TTC6: variants seen among roughly 807,000 people sequenced by gnomAD.
TTC6 encodes tetratricopeptide repeat protein 6.
Under a neutral mutation model 210.4 loss-of-function variants are expected in TTC6, and 172 were observed. That is an observed-to-expected ratio of 0.82 (90% CI 0.72 to 0.93). The LOEUF is 0.93. TTC6 is among the 40% of genes least tolerant of loss of function. TTC6 has a pLI of 0.00. For synonymous variants in TTC6, 804 were observed against 819.6 expected (o/e 0.98, Z 0.32); for missense variants, 2,414 against 2,318.1 (o/e 1.04, Z -0.85).
At chr14:37,655,127 C>T (rs1471481918) in intron 1 of TTC6, among the ~76,000 whole-genome samples, 2 of 152,168 alleles carry the variant, frequency 1.3e-5, no homozygotes, top group African/African-American at 4.8e-5. Context: ...ACTTGCTTGT[C>T]CAGTGTAGCA....
Position 37,769,819 on chromosome 14 carries a change from A to C in TTC6, c.3266+16584A>C, listed in dbSNP as rs376986016. Among the ~76,000 whole-genome samples the C allele has an allele frequency of 7.9e-5, 12 of 152,070 alleles. No individual in the cohort carries two copies. In the South Asian group the frequency reaches 1.0e-3, roughly 13 times the overall value. ...CTATTTCCTTCAGTTCTGCTCTGAT[A>C]TTAGTTATTTCTTGCCTTCTGCTAG... On this transcript the variant is annotated intron_variant, in intron 14 of 30. Transcript: ENST00000553443.
chr14:37,703,574 A>AT (rs1212921349), intron 5 of TTC6, among the ~76,000 whole-genome samples: 1 of 152,000 alleles, frequency 6.6e-6, no homozygotes, highest in Non-Finnish European at 1.5e-5. Context: ...GGCTTTTTGC[A>AT]TTTTTTTGTG....
At chr14:37,620,755 A>G (rs927666966), upstream of TTC6, among the ~76,000 whole-genome samples, 6 of 152,198 alleles carry the variant, frequency 3.9e-5, no homozygotes, top group African/African-American at 1.4e-4. Flanking sequence ...TATTATGACT[A>G]AGACTTCATT....
At chr14:37,798,325 T>C (rs1047096293) in intron 20 of TTC6, among the ~76,000 whole-genome samples, 1 of 152,060 alleles carries the variant, frequency 6.6e-6, no homozygotes, top group African/African-American at 2.4e-5. Context: ...ATTTTACATA[T>C]CCATTGCTAA....
intron 29 of TTC6, among the ~76,000 whole-genome samples, chr14:37,831,261 C>A (rs181838681): frequency 6.6e-6 from 1 of 152,196 alleles, no homozygotes; most frequent in East Asian, 1.9e-4. Context: ...GGATTTTATT[C>A]TTTTTAATGA....
At chr14:37,688,137 AAACATTGGCAGGAGTCTGGC>A (rs1260571959) in intron 3 of TTC6, among the ~76,000 whole-genome samples, 2 of 152,118 alleles carry the variant, frequency 1.3e-5, no homozygotes, top group Non-Finnish European at 2.9e-5. Context: ...GGCCTTGAGG[AAACATTGGCAGGAGTCTGGC>A]AATACTCCTC....
At chr14:37,823,983 A>G in intron 27 of TTC6, 26 bp downstream of exon 29, 1 of 1,601,162 alleles carries the variant, frequency 6.2e-7, no homozygotes. Context: ...TTTGAGCATT[A>G]AAAGCATGTT....
At chr14:37,600,308 C>G (rs889949225) in intron 1 of TTC6, among the ~76,000 whole-genome samples, 24 of 152,282 alleles carry the variant, frequency 1.6e-4, no homozygotes, top group African/African-American at 5.5e-4. Flanking sequence ...GACCTCCATT[C>G]CTCTCCATCA....
intron 14 of TTC6, among the ~76,000 whole-genome samples, chr14:37,754,890 T>G (rs2139059485): frequency 6.6e-6 from 1 of 152,330 alleles, no homozygotes; most frequent in East Asian, 1.9e-4. Context: ...GTCATTATAG[T>G]AGAATGATTT....
intron 14 of TTC6, among the ~76,000 whole-genome samples, chr14:37,762,085 G>A (rs116941867): frequency 0.035 from 5,258 of 152,008 alleles, 131 homozygotes; most frequent in South Asian, 0.095. Context: ...ATTTTTCTCC[G>A]CCTGGCTTAT....
chr14:37,663,893 C>T (rs1221843357), intron 1 of TTC6, among the ~76,000 whole-genome samples: 1 of 152,088 alleles, frequency 6.6e-6, no homozygotes, highest in Non-Finnish European at 1.5e-5. Flanking sequence ...TGAATGAACT[C>T]CCATTCACAA....
chr14:37,751,637 A>G (rs1161054736), intron 13 of TTC6, among the ~76,000 whole-genome samples: 1 of 152,134 alleles, frequency 6.6e-6, no homozygotes, highest in Non-Finnish European at 1.5e-5. Context: ...CTGCTCTCAA[A>G]GAAGCTGTGC....
chr14:37,759,241 C>T (rs372987527), intron 14 of TTC6, among the ~76,000 whole-genome samples: 49 of 140,566 alleles, frequency 3.5e-4, no homozygotes, highest in East Asian at 1.5e-3. Context: ...ACAGCCTGGG[C>T]GAAATAGCCA....
At chr14:37,754,887 T>C (rs2095962943) in intron 14 of TTC6, among the ~76,000 whole-genome samples, 1 of 152,232 alleles carries the variant, frequency 6.6e-6, no homozygotes, top group Non-Finnish European at 1.5e-5. Context: ...TGTGTCATTA[T>C]AGTAGAATGA....
intron 3 of TTC6, among the ~76,000 whole-genome samples, chr14:37,695,727 A>G (rs1386851434): frequency 6.6e-6 from 1 of 152,144 alleles, no homozygotes; most frequent in African/African-American, 2.4e-5. Flanking sequence ...CACAAAGGAA[A>G]AATGCTCAAG....
rs774404416 is a variant in TTC6, at chr14:37,656,485, T to C, written c.940-23666T>C. On this transcript the variant is annotated intron_variant, in intron 1 of 30. Transcript: ENST00000553443. ...GCCTTGTGCTGTGAGAGTCTATGGGTAGTTAACCTAGTCAGGTGTGTGTGT... is the reference window on the plus strand; with the variant it reads ...GCCTTGTGCTGTGAGAGTCTATGGGCAGTTAACCTAGTCAGGTGTGTGTGT... Among the ~76,000 whole-genome samples the C allele has an allele frequency of 5.7e-4, 86 of 150,616 alleles. 2 individuals carry two copies. The highest frequency in any genetic ancestry group is 1.9e-4 in the Non-Finnish European group (13 of 67,810).
At chr14:37,736,384 G>T (rs1349172527) in intron 8 of TTC6, among the ~76,000 whole-genome samples, 1 of 152,042 alleles carries the variant, frequency 6.6e-6, no homozygotes, top group Non-Finnish European at 1.5e-5. Context: ...CTTCATTTTG[G>T]AAAATGGCTC....
rs2095856692 is a variant in TTC6, at chr14:37,718,729, A to G, written c.1713+3933A>G. Among the ~76,000 whole-genome samples, 2 of 152,110 alleles carry G rather than the reference A, an allele frequency of 1.3e-5. 1 individual carries two copies. Among genetic ancestry groups the G allele is most frequent in the Admixed American group, 1.3e-4 (2 of 15,276 alleles). On this transcript the variant is annotated intron_variant, in intron 6 of 30. Transcript: ENST00000553443. Reference sequence around the variant, plus strand: ...GCTTGCTTGAGCCCAAGAGTTTGAGACCAGCTGGGGCAACATGACAAAATC... The same window carrying G: ...GCTTGCTTGAGCCCAAGAGTTTGAGGCCAGCTGGGGCAACATGACAAAATC...
intron 2 of TTC6, among the ~76,000 whole-genome samples, chr14:37,682,019 A>G (rs758024528): frequency 1.3e-5 from 2 of 152,102 alleles, no homozygotes; most frequent in Non-Finnish European, 2.9e-5. Flanking sequence ...TGGTGACCAT[A>G]GAAGCTGTGT....
Sources: allele counts gnomAD v4.1 joint callset (sites outside exome capture counted in the v4.1 genomes callset), GRCh38; gene constraint gnomAD v4.1.1; transcripts MANE v1.5; gene names NCBI Gene and HGNC (gene_info 2026-07-23, HGNC 2026-07-21).